Variants in DPH5 observed in about 807,000 individuals in gnomAD.
The protein encoded by DPH5 is diphthamide biosynthesis 5, also known as diphthine methyl ester synthase.
DPH5 carries 31 observed loss-of-function variants against 31.6 expected under a neutral mutation model. The observed-to-expected ratio is 0.98, with a 90% confidence interval of 0.74 to 1.32. DPH5 has a LOEUF of 1.32. Among genes scored for constraint, DPH5 ranks in the 40% most tolerant of loss-of-function variants. The pLI is 0.00. For missense variants in DPH5, 309 were observed against 335.7 expected, an observed-to-expected ratio of 0.92 and a Z score of 0.62; for synonymous variants, 120 against 115.0, an observed-to-expected ratio of 1.04 and a Z score of -0.28.
intron 5 of DPH5, among the ~76,000 whole-genome samples, chr1:100,998,485 G>C (rs1333974038): frequency 6.7e-6 from 1 of 148,544 alleles, no homozygotes; most frequent in East Asian, 2.0e-4. Flanking sequence ...CTCCAGCCTG[G>C]ATGACAGGGT....
Position 101,021,264 on chromosome 1 carries a change from C to T in DPH5, c.260+377G>A, listed in dbSNP as rs1439179436. ...AAAAAAAACCTAGGACAAAAGAAGT[C>T]GAAGATGCCTGAAATTATCAGCAGA... On this transcript the variant is annotated intron_variant, in intron 3 of 7. Coordinates refer to ENST00000370109, the MANE Select transcript of DPH5 (RefSeq NM_015958.3). 3.3e-5 allele frequency among the ~76,000 whole-genome samples: 5 copies of T among 152,086 alleles called. No homozygotes were observed. The East Asian group carries it at 7.7e-4, about 23-fold the overall frequency.
chr1:100,999,487 T>C (rs1198771692), intron 5 of DPH5, among the ~76,000 whole-genome samples: 1 of 152,120 alleles, frequency 6.6e-6, no homozygotes, highest in East Asian at 1.9e-4. Context: ...ATTTTGTTGC[T>C]TAAAATTAAA....
intron 3 of DPH5, among the ~76,000 whole-genome samples, chr1:101,016,756 T>C (rs1328519230): frequency 6.6e-6 from 1 of 152,160 alleles, no homozygotes; most frequent in Non-Finnish European, 1.5e-5. Flanking sequence ...CTCTTGGCTT[T>C]CTATATGCCT....
rs773079817 is a variant in DPH5 at position 100,992,643 on chromosome 1, C to T, written c.628G>A (p.Glu210Lys). The change falls in exon 7 of 8, where the codon GAA (glutamate) becomes AAA (lysine). Residue 210 changes from glutamate (E) to lysine (K), a missense_variant. Transcript: ENST00000370109. ...CTTCTAGTGTCTTGAGTACCTGGTT[C>T]TTCTCCTCGTATTCTTTGATTTTGA... ...IVQNQRIRGE[E>K]PAVTEETLCV... 1 of 1,613,460 alleles carries T rather than the reference C, an allele frequency of 6.2e-7. No individual in the cohort carries two copies. Among genetic ancestry groups the T allele is most frequent in the Non-Finnish European group, 8.5e-7 (1 of 1,179,552 alleles).
chr1:101,010,783 A>T lies in DPH5; in HGVS notation c.369+2927T>A, dbSNP rs563298150. ...TCAACATCCTACATTTAACAAGTGT[A>T]TACTGGGAATTAAAAACCTACTCTT... On this transcript the variant is annotated intron_variant, in intron 4 of 7. Coordinates refer to ENST00000370109, the MANE Select transcript of DPH5 (RefSeq NM_015958.3). Among the ~76,000 whole-genome samples the T allele has an allele frequency of 4.4e-4, 67 of 152,332 alleles. 1 individual carries two copies. In the South Asian group the frequency reaches 0.013, roughly 31 times the overall value.
chr1:101,009,610 T>A (rs1434872275), intron 4 of DPH5, among the ~76,000 whole-genome samples: 1 of 152,256 alleles, frequency 6.6e-6, no homozygotes, highest in Non-Finnish European at 1.5e-5. Context: ...TCTAAATGAC[T>A]GTAATTTAGA....
In DPH5 at chr1:100,990,630, T is replaced by G. The variant is rs761606459; in HGVS notation, c.636A>C (p.Ala212=). The change falls in exon 8 of 8, where the codon GCA becomes GCC. Residue 212 remains alanine, a splice_region_variant and synonymous_variant. Coordinates refer to ENST00000370109, the MANE Select transcript of DPH5 (RefSeq NM_015958.3). ...QNQRIRGEEP[A]VTEETLCVGL... ...CAACACAAAGTGTCTCCTCGGTAAC[T>G]GCTATTAAAAAAAAAAGATACTGCT... 1.9e-6 allele frequency: 3 copies of G among 1,612,598 alleles called. No individual in the cohort carries two copies. Among genetic ancestry groups the G allele is most frequent in the Non-Finnish European group, 2.5e-6 (3 of 1,179,540 alleles).
intron 4 of DPH5, among the ~76,000 whole-genome samples, chr1:101,007,068 TAAGA>T (rs1385471727): frequency 1.6e-4 from 24 of 152,184 alleles, no homozygotes; most frequent in Admixed American, 3.9e-4. Flanking sequence ...CACAAATGAT[TAAGA>T]AAGATAATAA....
intron 4 of DPH5, among the ~76,000 whole-genome samples, chr1:101,005,183 CAAATAA>C (rs1344104249): frequency 6.6e-6 from 1 of 151,928 alleles, no homozygotes; most frequent in African/African-American, 2.4e-5. Flanking sequence ...TTTTGTATAA[CAAATAA>C]AAATATTTTC....
rs770575325 is a variant in DPH5, at chr1:100,990,493, C to A, written c.773G>T (p.Ser258Ile). The A allele has an allele frequency of 6.2e-7, 1 of 1,614,054 alleles. No individual in the cohort carries two copies. Among genetic ancestry groups the A allele is most frequent in the Non-Finnish European group, 8.5e-7 (1 of 1,180,024 alleles). ...CATCTCCATCTCCATTGGATGTATGCTGCCTCCTGTGATGATCAAGGAATG... is the reference window on the plus strand; with the variant it reads ...CATCTCCATCTCCATTGGATGTATGATGCCTCCTGTGATGATCAAGGAATG... Reference protein sequence around the residue: ...PLHSLIITGGSIHPMEMEMLS... With the variant: ...PLHSLIITGGIIHPMEMEMLS... The change falls in exon 8 of 8, where the codon AGC becomes ATC. Residue 258 changes from serine (S) to isoleucine (I), a missense_variant. By Grantham distance (142) the Ser-to-Ile change is moderately radical. Transcript: ENST00000370109.
chr1:100,998,700 A>G, intron 5 of DPH5, among the ~76,000 whole-genome samples: 1 of 152,216 alleles, frequency 6.6e-6, no homozygotes, highest in Non-Finnish European at 1.5e-5. Context: ...GACATTAGGA[A>G]GAGAATAATG....
chr1:100,990,502 G>A lies in DPH5; in HGVS notation c.764C>T (p.Thr255Ile), dbSNP rs1404323723. Residue 255 changes from threonine to isoleucine, a missense_variant, in exon 8 of 8, where the codon ACA (threonine) becomes ATA (isoleucine). Physicochemically the swap from Thr to Ile is moderately conservative, Grantham distance 89. Transcript: ENST00000370109. Reference sequence around the variant, plus strand: ...CTCCATTGGATGTATGCTGCCTCCTGTGATGATCAAGGAATGCAATGGTTC... The same window carrying A: ...CTCCATTGGATGTATGCTGCCTCCTATGATGATCAAGGAATGCAATGGTTC... ...LGEPLHSLIITGGSIHPMEME... is the reference protein window; with the variant it reads ...LGEPLHSLIIIGGSIHPMEME... The A allele has an allele frequency of 1.2e-6, 2 of 1,614,168 alleles. No homozygotes were observed. The highest frequency in any genetic ancestry group is 4.5e-5 in the East Asian group (2 of 44,888).
chr1:101,021,501 T>C (rs559269384), intron 3 of DPH5, 140 bp downstream of exon 3: 37 of 749,244 alleles, frequency 4.9e-5, no homozygotes, highest in Non-Finnish European at 6.8e-5. Context: ...GTTTAAACTA[T>C]GACATTTTAG....
intron 6 of DPH5, among the ~76,000 whole-genome samples, chr1:100,992,942 T>G (rs1184100676): frequency 2.6e-5 from 4 of 152,208 alleles, no homozygotes; most frequent in Non-Finnish European, 5.9e-5. Flanking sequence ...TAATTTAACT[T>G]TCCTCTGATC....
At chr1:101,011,614 G>C (rs1659647480) in intron 4 of DPH5, 1 of 152,182 alleles carries the variant, frequency 6.6e-6, no homozygotes, top group African/African-American at 2.4e-5. Context: ...TGGAGGATCA[G>C]AAGGACAGGG....
At chr1:100,993,742 A>G (rs1658060670) in intron 6 of DPH5, among the ~76,000 whole-genome samples, 2 of 150,740 alleles carry the variant, frequency 1.3e-5, no homozygotes, top group Non-Finnish European at 3.0e-5. Flanking sequence ...AAAGTTTGTA[A>G]AAAGGCAATT....
At chr1:101,021,472 A>G (rs1216555744) in intron 3 of DPH5, among the ~76,000 whole-genome samples, 169 bp downstream of exon 3, 1 of 152,234 alleles carries the variant, frequency 6.6e-6, no homozygotes, top group East Asian at 1.9e-4. Flanking sequence ...TTTCTTCACT[A>G]ATCTCAAAGA....
In DPH5 at chr1:100,990,537, C is replaced by A; in HGVS notation, c.729G>T (p.Val243=). The A allele has an allele frequency of 6.2e-7, 1 of 1,614,108 alleles. No homozygotes were observed. The highest frequency in any genetic ancestry group is 8.5e-7 in the Non-Finnish European group (1 of 1,179,992). The part of the protein sequence containing the change: ...AAGTLRQMCT[V]DLGEPLHSLI... The stretch of plus-strand genomic sequence containing the variant: ...AGGAATGCAATGGTTCTCCCAAGTC[C>A]ACAGTGCACATTTGCCTTAAAGTGC... Residue 243 remains valine, a synonymous_variant, in exon 8 of 8, where the codon GTG becomes GTT. Transcript: ENST00000370109.
intron 7 of DPH5, 60 bp downstream of exon 7, chr1:100,992,577 T>C (rs1008101945): frequency 3.3e-6 from 4 of 1,220,320 alleles, no homozygotes; most frequent in African/African-American, 3.0e-5. Context: ...TTAAGTCATA[T>C]ACACATCTAA....
Sources: gnomAD v4.1 joint callset for allele counts (sites outside exome capture counted in the v4.1 genomes callset) on GRCh38, gnomAD v4.1.1 for gene constraint, MANE v1.5 for transcripts, NCBI Gene and HGNC (gene_info 2026-07-23, HGNC 2026-07-21) for gene names.